Variants in C3orf52 observed in about 807,000 individuals in gnomAD.
C3orf52 encodes chromosome 3 open reading frame 52.
C3orf52 carries 22 observed loss-of-function variants against 24.8 expected under a neutral mutation model. The ratio of observed to expected loss-of-function variants is 0.89; its 90% CI spans 0.63 to 1.27. C3orf52 has a LOEUF of 1.27. C3orf52 is among the 50% of genes most tolerant of loss of function. C3orf52 has a pLI of 0.00. For missense variants in C3orf52, 265 were observed against 260.7 expected (o/e 1.02, Z -0.11); for synonymous variants, 93 against 100.2 (o/e 0.93, Z 0.43).
chr3:112,098,895 C>G (rs2073948354), intron 2 of C3orf52, among the ~76,000 whole-genome samples: 1 of 152,178 alleles, frequency 6.6e-6, no homozygotes, highest in African/African-American at 2.4e-5. Context: ...GCCCCACCCT[C>G]TAAGACCATC....
At chr3:112,133,393 T>G (rs545225982), downstream of C3orf52, 90 of 412,782 alleles carry the variant, frequency 2.2e-4, no homozygotes, top group African/African-American at 1.7e-3. Context: ...CAATGAGAGC[T>G]TCGAACCTCT....
In C3orf52 at chr3:112,116,814, G is replaced by A. The variant is rs767562637; in HGVS notation, c.*168G>A. 1.3e-6 allele frequency: 2 copies of A among 1,539,140 alleles called. No homozygotes were observed. On this transcript the variant is annotated 3_prime_UTR_variant, in exon 6 of 6. Coordinates refer to ENST00000264848, the MANE Select transcript of C3orf52 (RefSeq NM_024616.3). ...TCCCGATTCTACAGTCTGGCTCTAA[G>A]CCCAGTAAAACAGCTCCCGAGCACT...
chr3:112,130,197 A>G, downstream of C3orf52: 1 of 522,802 alleles, frequency 1.9e-6, no homozygotes, highest in Non-Finnish European at 3.4e-6. Context: ...ATAACAGGGC[A>G]TAACAGGGAC....
At chr3:112,119,181 G>A (rs1275524719), downstream of C3orf52, among the ~76,000 whole-genome samples, 5 of 152,106 alleles carry the variant, frequency 3.3e-5, no homozygotes, top group Non-Finnish European at 7.4e-5. Context: ...TTAGGAGCTC[G>A]AGACCAGCCT....
At chr3:112,127,740 G>A (rs1206386541) in intron 4 of C3orf52, among the ~76,000 whole-genome samples, 1 of 152,148 alleles carries the variant, frequency 6.6e-6, no homozygotes, top group African/African-American at 2.4e-5. Flanking sequence ...ACTCAGATTT[G>A]CAGTGTGAAA....
chr3:112,101,913 G>T lies in C3orf52; in HGVS notation c.269-925G>T, dbSNP rs1201233072. Reference sequence around the variant, plus strand: ...TAGCACAGTAGTGCTAGCTTCTGGCGCCTGGCTCCTCACTTTGTGTGATTT... The same window carrying T: ...TAGCACAGTAGTGCTAGCTTCTGGCTCCTGGCTCCTCACTTTGTGTGATTT... On this transcript the variant is annotated intron_variant, in intron 2 of 5. Coordinates refer to ENST00000264848, the MANE Select transcript of C3orf52 (RefSeq NM_024616.3). 3.3e-5 allele frequency among the ~76,000 whole-genome samples: 5 copies of T among 152,254 alleles called. 1 individual carries two copies. The South Asian group carries it at 1.0e-3, about 32-fold the overall frequency.
At chr3:112,123,818 T>C (rs759992668) in intron 4 of C3orf52, 4 of 1,573,734 alleles carry the variant, frequency 2.5e-6, no homozygotes. Flanking sequence ...TCTCTTGCCA[T>C]GACCTTTACA....
At chr3:112,118,646 A>G (rs2074160985), downstream of C3orf52, among the ~76,000 whole-genome samples, 2 of 152,192 alleles carry the variant, frequency 1.3e-5, no homozygotes, top group South Asian at 2.1e-4. Context: ...AACCTTTGTG[A>G]CTAACATATT....
intron 1 of C3orf52, among the ~76,000 whole-genome samples, chr3:112,089,467 C>T (rs1310674912): frequency 7.0e-6 from 1 of 142,516 alleles, no homozygotes; most frequent in Non-Finnish European, 1.5e-5. Context: ...AGGCGGAGGT[C>T]GTGGTGAGCC....
At chr3:112,128,209 G>C (rs1488718525) in intron 4 of C3orf52, 1 of 724,744 alleles carries the variant, frequency 1.4e-6, no homozygotes, top group East Asian at 2.7e-5. Flanking sequence ...CATCTCTCAT[G>C]GTAGAATGCC....
chr3:112,109,301 C>T (rs2074055845), intron 3 of C3orf52, among the ~76,000 whole-genome samples: 1 of 152,110 alleles, frequency 6.6e-6, no homozygotes, highest in Non-Finnish European at 1.5e-5. Context: ...CCACAGGGTG[C>T]CAGTGCAACT....
At chr3:112,111,848 G>C (rs191011373) in intron 4 of C3orf52, 1 of 152,336 alleles carries the variant, frequency 6.6e-6, no homozygotes, top group East Asian at 1.9e-4. Context: ...GAAACTATGA[G>C]TTTCTTCAGA....
chr3:112,108,080 T>C (rs1202233572), intron 3 of C3orf52, among the ~76,000 whole-genome samples: 1 of 152,198 alleles, frequency 6.6e-6, no homozygotes, highest in East Asian at 1.9e-4. Context: ...ACACAACTAC[T>C]CAATGCCTGG....
Position 112,101,779 on chromosome 3 carries a change from G to A in C3orf52, c.269-1059G>A, listed in dbSNP as rs1335162538. On this transcript the variant is annotated intron_variant, in intron 2 of 5. Transcript: ENST00000264848. The stretch of plus-strand genomic sequence containing the variant: ...TTCCACTATGGTCTTAAAGTCTATG[G>A]CAATATAAGCACCTGGTTCCTCCCA... 1.3e-5 allele frequency among the ~76,000 whole-genome samples: 2 copies of A among 152,042 alleles called. 1 individual carries two copies. The highest frequency in any genetic ancestry group is 3.9e-4 in the East Asian group (2 of 5,176).
intron 4 of C3orf52, chr3:112,123,846 G>C (rs966803918): frequency 6.8e-7 from 1 of 1,469,298 alleles, no homozygotes; most frequent in Non-Finnish European, 9.2e-7. Context: ...CTCAACACAG[G>C]CTTGACCCTT....
chr3:112,105,458 AG>A (rs1364028907), intron 3 of C3orf52, among the ~76,000 whole-genome samples: 1 of 152,120 alleles, frequency 6.6e-6, no homozygotes, highest in Non-Finnish European at 1.5e-5. Context: ...TGGATATAAA[AG>A]GTAAATGGAA....
At chr3:112,123,659 G>C in intron 4 of C3orf52, 2 of 1,614,150 alleles carry the variant, frequency 1.2e-6, no homozygotes, top group Non-Finnish European at 1.7e-6. Context: ...CAGCTTTGCA[G>C]GGAACATTCT....
At chr3:112,123,605 T>A in intron 4 of C3orf52, 1 of 1,614,078 alleles carries the variant, frequency 6.2e-7, no homozygotes, top group Non-Finnish European at 8.5e-7. Context: ...TATGTAGAAG[T>A]GAATACTCAG....
At chr3:112,106,219 G>C (rs2107784611) in intron 3 of C3orf52, among the ~76,000 whole-genome samples, 1 of 151,808 alleles carries the variant, frequency 6.6e-6, no homozygotes, top group African/African-American at 2.4e-5. Flanking sequence ...CCCTCTGGAG[G>C]ATGGGGGTGG....
Sources: allele counts gnomAD v4.1 joint callset (sites outside exome capture counted in the v4.1 genomes callset), GRCh38; gene constraint gnomAD v4.1.1; transcripts MANE v1.5; gene names NCBI Gene and HGNC (gene_info 2026-07-23, HGNC 2026-07-21).